ALK: variants seen among roughly 807,000 people sequenced by gnomAD.
ALK encodes ALK tyrosine kinase receptor.
ALK carries 74 observed loss-of-function variants against 163.1 expected under a neutral mutation model. That is an observed-to-expected ratio of 0.45 (90% CI 0.38 to 0.55). ALK has a LOEUF of 0.55. Ranked by LOEUF, ALK falls within the 20% of genes least tolerant of loss-of-function variation. The pLI, the probability that ALK is intolerant of heterozygous loss-of-function variation, is 0.00. For synonymous variants in ALK, 960 were observed against 843.2 expected (o/e 1.14, Z -2.40); for missense variants, 2,063 against 2,105.3 (o/e 0.98, Z 0.39).
chr2:29,438,439 G>A (rs77324401), intron 4 of ALK, among the ~76,000 whole-genome samples: 11 of 152,300 alleles, frequency 7.2e-5, no homozygotes, highest in Non-Finnish European at 1.5e-4. Context: ...GAATAAGACT[G>A]GTAGCAGGCA....
chr2:29,488,942 G>T (rs1314773188), intron 4 of ALK, among the ~76,000 whole-genome samples: 3 of 152,088 alleles, frequency 2.0e-5, no homozygotes, highest in African/African-American at 7.2e-5. Context: ...GAGGGAATGG[G>T]GCCACAAGCT....
chr2:29,404,868 G>A (rs544673303), intron 4 of ALK, among the ~76,000 whole-genome samples: 22 of 152,262 alleles, frequency 1.4e-4, no homozygotes, highest in Middle Eastern at 3.4e-3. Flanking sequence ...ATCATGCCAC[G>A]AGGAAAAGCA....
intron 5 of ALK, among the ~76,000 whole-genome samples, chr2:29,349,548 C>T (rs13399848): frequency 0.055 from 8,417 of 152,224 alleles, 302 homozygotes; most frequent in African/African-American, 0.094. Context: ...AAAACAACTC[C>T]GCTTCCAGGA....
chr2:29,410,047 A>C (rs1195311717), intron 4 of ALK, among the ~76,000 whole-genome samples: 1 of 152,198 alleles, frequency 6.6e-6, no homozygotes, highest in Non-Finnish European at 1.5e-5. Flanking sequence ...GAACCCTTAG[A>C]AGGTTCAGTC....
chr2:29,436,470 T>C (rs1670400126), intron 4 of ALK, among the ~76,000 whole-genome samples: 1 of 152,168 alleles, frequency 6.6e-6, no homozygotes, highest in Admixed American at 6.5e-5. Context: ...AATTATTACC[T>C]CCAAACTCTT....
intron 8 of ALK, among the ~76,000 whole-genome samples, chr2:29,299,777 A>T (rs1666312431): frequency 6.6e-6 from 1 of 152,184 alleles, no homozygotes. Context: ...CTGGAGGTTG[A>T]CTATTAGGAG....
At chr2:29,418,727 T>C (rs1669942802) in intron 4 of ALK, among the ~76,000 whole-genome samples, 1 of 152,252 alleles carries the variant, frequency 6.6e-6, no homozygotes, top group African/African-American at 2.4e-5. Flanking sequence ...TGATTTCATT[T>C]TTCTTATGGC....
rs907130207 is a variant in ALK, at chr2:29,375,034, C to T, written c.1282+8698G>A. Among the ~76,000 whole-genome samples the T allele has an allele frequency of 2.0e-5, 3 of 152,278 alleles. No individual in the cohort carries two copies. The East Asian group carries it at 5.8e-4, about 29-fold the overall frequency. On this transcript the variant is annotated intron_variant, in intron 5 of 28. Transcript: ENST00000389048. ...GGTTGGCAGTGTGTGGCTCTCATCA[C>T]CCTCTTGGCATTAGGTCAATAATTA...
chr2:29,912,075 CAA>C (rs1473454933), intron 1 of ALK, among the ~76,000 whole-genome samples: 4 of 151,692 alleles, frequency 2.6e-5, no homozygotes, highest in Non-Finnish European at 4.4e-5. Flanking sequence ...ATCTACAGAA[CAA>C]AGAGAAAAAT....
intron 3 of ALK, among the ~76,000 whole-genome samples, 175 bp from the exon 4 acceptor site, chr2:29,532,291 G>GTA (rs1673142519): frequency 1.3e-5 from 2 of 152,200 alleles, no homozygotes; most frequent in Admixed American, 1.3e-4. Context: ...TTTGTAAATA[G>GTA]TATAGCCTGA....
At chr2:29,379,979 C>A (rs988271776) in intron 5 of ALK, among the ~76,000 whole-genome samples, 1 of 152,128 alleles carries the variant, frequency 6.6e-6, no homozygotes, top group Non-Finnish European at 1.5e-5. Flanking sequence ...GTTCCACAGG[C>A]TGTACAGGAA....
chr2:29,657,576 C>A (rs1257080759), intron 3 of ALK, among the ~76,000 whole-genome samples: 1 of 152,108 alleles, frequency 6.6e-6, no homozygotes, highest in Admixed American at 6.6e-5. Context: ...CAACAAAGGC[C>A]TGAATTAACA....
At chr2:29,539,981 G>A (rs77972798) in intron 3 of ALK, among the ~76,000 whole-genome samples, 5,746 of 152,102 alleles carry the variant, frequency 0.038, 325 homozygotes, top group African/African-American at 0.13. Flanking sequence ...AGTTATTTAC[G>A]CAAGTTCAGT....
intron 3 of ALK, among the ~76,000 whole-genome samples, chr2:29,595,255 T>G (rs1472240953): frequency 6.6e-6 from 1 of 152,044 alleles, no homozygotes; most frequent in Admixed American, 6.6e-5. Context: ...GGTTTCAGAG[T>G]GATCCCAGGT....
chr2:29,631,924 C>G (rs565895585), intron 3 of ALK, among the ~76,000 whole-genome samples: 1 of 152,214 alleles, frequency 6.6e-6, no homozygotes, highest in Admixed American at 6.5e-5. Context: ...CTGTATTTCA[C>G]GTGCACATCT....
intron 12 of ALK, 104 bp downstream of exon 12, chr2:29,251,001 C>A (rs973490225): frequency 2.9e-5 from 36 of 1,262,540 alleles, no homozygotes; most frequent in Non-Finnish European, 4.0e-5. Flanking sequence ...TGCCTTTGAA[C>A]CTTGACATGC....
chr2:29,379,392 C>T (rs1488576613), intron 5 of ALK, among the ~76,000 whole-genome samples: 1 of 152,138 alleles, frequency 6.6e-6, no homozygotes, highest in Non-Finnish European at 1.5e-5. Flanking sequence ...AATCAGTCAA[C>T]ATGTATTCGT....
intron 5 of ALK, among the ~76,000 whole-genome samples, chr2:29,369,006 G>C (rs546943724): frequency 6.6e-6 from 1 of 152,310 alleles, no homozygotes; most frequent in South Asian, 2.1e-4. Context: ...TTAAGGCTCT[G>C]TGCTTTGCTG....
intron 4 of ALK, among the ~76,000 whole-genome samples, chr2:29,399,076 A>G (rs75265398): frequency 0.012 from 1,783 of 152,194 alleles, 22 homozygotes; most frequent in Non-Finnish European, 0.019. Context: ...TGCTTGTTAC[A>G]CTGACATTAG....
Sources: allele counts gnomAD v4.1 joint callset (sites outside exome capture counted in the v4.1 genomes callset), GRCh38; gene constraint gnomAD v4.1.1; transcripts MANE v1.5; gene names NCBI Gene and HGNC (gene_info 2026-07-23, HGNC 2026-07-21).